The following LARP1B variants were observed in gnomAD, a reference collection of about 807,000 sequenced individuals.
The protein encoded by LARP1B is la-related protein 1B.
A neutral mutation model predicts 114.2 loss-of-function variants in LARP1B; 76 were observed. The ratio of observed to expected loss-of-function variants is 0.67; its 90% CI spans 0.55 to 0.81. LARP1B has a LOEUF of 0.81. Ranked by LOEUF, LARP1B falls within the 30% of genes least tolerant of loss-of-function variation. LARP1B has a pLI of 0.00. For missense variants in LARP1B, 1,014 were observed against 1,075.8 expected (o/e 0.94, Z 0.80); for synonymous variants, 345 against 348.0 (o/e 0.99, Z 0.10).
intron 11 of LARP1B, among the ~76,000 whole-genome samples, chr4:128,143,399 A>G (rs1580952891): frequency 6.6e-6 from 1 of 152,220 alleles, no homozygotes; most frequent in Non-Finnish European, 1.5e-5. Flanking sequence ...TCTGCCAGGG[A>G]TTCATTCATT....
chr4:128,135,139 AAAT>A (rs1465601760), intron 11 of LARP1B, among the ~76,000 whole-genome samples: 3 of 150,972 alleles, frequency 2.0e-5, no homozygotes, highest in Middle Eastern at 3.4e-3. Context: ...ATAAATAAAT[AAAT>A]AAAAAGGATA....
chr4:128,176,907 G>C lies in LARP1B; in HGVS notation c.1684G>C (p.Asp562His). Residue 562 changes from aspartate (D) to histidine (H), a missense_variant and splice_region_variant, in exon 13 of 20, where the codon GAT (aspartate) becomes CAT (histidine). By Grantham distance (81) the Asp-to-His change is moderately conservative (BLOSUM62 -1). Coordinates refer to ENST00000326639, the MANE Select transcript of LARP1B (RefSeq NM_018078.4). ...VQGVLHIPKKDLTDELAQKLF... is the reference protein window; with the variant it reads ...VQGVLHIPKKHLTDELAQKLF... Reference sequence around the variant, plus strand: ...AGGAGTGCTTCACATTCCCAAGAAAGGTAACATCTGTGGTGGGTATTAAAG... The same window carrying C: ...AGGAGTGCTTCACATTCCCAAGAAACGTAACATCTGTGGTGGGTATTAAAG... The C allele has an allele frequency of 6.2e-6, 10 of 1,613,662 alleles. No homozygotes were observed. Among genetic ancestry groups the C allele is most frequent in the Non-Finnish European group, 8.5e-6 (10 of 1,179,620 alleles).
chr4:128,209,815 A>G, intron 19 of LARP1B, 41 bp from the exon 20 acceptor site: 2 of 1,530,766 alleles, frequency 1.3e-6, no homozygotes, highest in Non-Finnish European at 1.8e-6. Flanking sequence ...GGGAGGAAAA[A>G]CAGTAAAATT....
At chr4:128,163,676 C>T (rs6849546) in intron 12 of LARP1B, among the ~76,000 whole-genome samples, 63,317 of 151,934 alleles carry the variant, frequency 0.42, 14,542 homozygotes, top group African/African-American at 0.61. Context: ...TAACATTCTT[C>T]GCTGGTGACT....
intron 11 of LARP1B, among the ~76,000 whole-genome samples, chr4:128,129,605 C>T (rs761905296): frequency 2.2e-4 from 34 of 152,012 alleles, no homozygotes; most frequent in Non-Finnish European, 4.9e-4. Flanking sequence ...AATTGGAAGA[C>T]GACACTACCT....
intron 5 of LARP1B, among the ~76,000 whole-genome samples, chr4:128,083,239 A>G (rs906915337): frequency 1.3e-5 from 2 of 152,158 alleles, no homozygotes; most frequent in Non-Finnish European, 2.9e-5. Context: ...CACGGCAACC[A>G]TCCGATTTCT....
chr4:128,065,319 C>CTTTCTTTCTTTCTT (rs756433630), intron 1 of LARP1B, among the ~76,000 whole-genome samples: 11 of 59,696 alleles, frequency 1.8e-4, no homozygotes, highest in Non-Finnish European at 2.3e-4. Context: ...CTTTCTTTCT[C>CTTTCTTTCTTTCTT]TCTCTCTCTC....
intron 15 of LARP1B, among the ~76,000 whole-genome samples, chr4:128,180,309 A>T (rs1382786895): frequency 1.3e-5 from 2 of 152,196 alleles, no homozygotes; most frequent in African/African-American, 4.8e-5. Flanking sequence ...TAATTAACTG[A>T]TAGTTTTTCC....
intron 12 of LARP1B, among the ~76,000 whole-genome samples, chr4:128,166,384 A>G (rs1400486936): frequency 6.6e-6 from 1 of 151,966 alleles, no homozygotes; most frequent in East Asian, 1.9e-4. Context: ...CTCCTTGGTT[A>G]ATTGTAATGA....
At chr4:128,089,962 A>G (rs758331644) in intron 5 of LARP1B, among the ~76,000 whole-genome samples, 2 of 150,782 alleles carry the variant, frequency 1.3e-5, no homozygotes, top group Non-Finnish European at 3.0e-5. Flanking sequence ...TGGTAGAGGC[A>G]GGGTTTCGCC....
chr4:128,066,211 C>T (rs1172102837), intron 1 of LARP1B, among the ~76,000 whole-genome samples: 1 of 136,982 alleles, frequency 7.3e-6, no homozygotes, highest in Non-Finnish European at 1.5e-5. Context: ...GAGTCTCGCT[C>T]TGTCGCCCAG....
intron 5 of LARP1B, among the ~76,000 whole-genome samples, chr4:128,083,676 G>C (rs1314522802): frequency 9.8e-5 from 12 of 123,050 alleles, no homozygotes; most frequent in South Asian, 2.7e-4. Flanking sequence ...GGGGGGCTGA[G>C]CCCCCCCACC....
chr4:128,202,194 C>T (rs1037176834), intron 17 of LARP1B, among the ~76,000 whole-genome samples: 1 of 152,150 alleles, frequency 6.6e-6, no homozygotes, highest in African/African-American at 2.4e-5. Context: ...GATTTATACT[C>T]TTCCTTATGA....
chr4:128,210,713 C>T lies in LARP1B; in HGVS notation c.*660C>T, dbSNP rs1253305824. On this transcript the variant is annotated 3_prime_UTR_variant, in exon 20 of 20. Transcript: ENST00000326639. The stretch of plus-strand genomic sequence containing the variant: ...TGATGCTAGGTTTTGCTTTTCTCCC[C>T]CCAGTCATATCTCATGATTTCCACA... The T allele has an allele frequency of 1.0e-6, 1 of 985,066 alleles. No individual in the cohort carries two copies. The highest frequency in any genetic ancestry group is 1.1e-4 in the East Asian group (1 of 8,834). The allele number at this position is 985,066 out of a possible 1,614,324, so 61.0% of individuals were successfully genotyped here. A position where few individuals can be genotyped will look rare whatever the true frequency, so the allele number is the denominator to read the frequency against.
intron 4 of LARP1B, among the ~76,000 whole-genome samples, chr4:128,081,017 A>G (rs1993722): frequency 0.63 from 95,133 of 151,250 alleles, 30,385 homozygotes; most frequent in Middle Eastern, 0.81. Context: ...TAAATTAAAC[A>G]GATTTTTTTT....
chr4:128,113,587 C>T (rs1298274293), intron 9 of LARP1B, among the ~76,000 whole-genome samples: 25 of 151,646 alleles, frequency 1.6e-4, no homozygotes, highest in African/African-American at 4.1e-4. Context: ...GTGATCCACC[C>T]GCCTCAGCCT....
chr4:128,150,106 G>A (rs949276768), intron 11 of LARP1B, among the ~76,000 whole-genome samples: 5 of 152,118 alleles, frequency 3.3e-5, no homozygotes, highest in South Asian at 2.1e-4. Flanking sequence ...AGCCGAGATC[G>A]TGCCACTGCA....
chr4:128,122,456 T>A, intron 11 of LARP1B: 1 of 1,510,130 alleles, frequency 6.6e-7, no homozygotes, highest in Non-Finnish European at 8.8e-7. Context: ...TTTTTTTTGT[T>A]TTGTTTTTTT....
At chr4:128,071,373 T>G (rs1288081979) in intron 1 of LARP1B, among the ~76,000 whole-genome samples, 1 of 151,182 alleles carries the variant, frequency 6.6e-6, no homozygotes, top group Non-Finnish European at 1.5e-5. Flanking sequence ...AGTAACTGTA[T>G]AAACTGATAC....
Sources: gnomAD v4.1 joint callset for allele counts (sites outside exome capture counted in the v4.1 genomes callset) on GRCh38, gnomAD v4.1.1 for gene constraint, MANE v1.5 for transcripts, NCBI Gene and HGNC (gene_info 2026-07-23, HGNC 2026-07-21) for gene names.